PTPRO: variants seen among roughly 807,000 people sequenced by gnomAD.
PTPRO encodes protein tyrosine phosphatase receptor type O.
A neutral mutation model predicts 145.2 loss-of-function variants in PTPRO; 62 were observed. The ratio of observed to expected loss-of-function variants is 0.43; its 90% CI spans 0.35 to 0.53. PTPRO has a LOEUF of 0.53. Ranked by LOEUF, PTPRO falls within the 20% of genes least tolerant of loss-of-function variation. The pLI is 0.01. For missense variants in PTPRO, 1,345 were observed against 1,482.7 expected (o/e 0.91, Z 1.53); for synonymous variants, 565 against 514.7 (o/e 1.10, Z -1.32).
At chr12:15,513,113 AAGGAAGGAAGG>A (rs1565675387) in intron 7 of PTPRO, among the ~76,000 whole-genome samples, 2 of 8,822 alleles carry the variant, frequency 2.3e-4, no homozygotes, top group East Asian at 2.1e-3. Flanking sequence ...GAAAGAAAGG[AAGGAAGGAAGG>A]AAGGAAGGAA....
intron 1 of PTPRO, among the ~76,000 whole-genome samples, chr12:15,475,866 T>C (rs1029072221): frequency 6.6e-5 from 10 of 152,166 alleles, no homozygotes; most frequent in African/African-American, 2.4e-4. Flanking sequence ...GATGAGAATA[T>C]CAATTAGTAA....
intron 1 of PTPRO, among the ~76,000 whole-genome samples, chr12:15,478,148 C>G (rs1941699184): frequency 6.6e-6 from 1 of 152,202 alleles, no homozygotes; most frequent in African/African-American, 2.4e-5. Context: ...CAAGAGCAGA[C>G]TGCACATAGG....
intron 1 of PTPRO, among the ~76,000 whole-genome samples, chr12:15,342,457 T>C (rs1867032544): frequency 6.6e-6 from 1 of 152,232 alleles, no homozygotes; most frequent in East Asian, 1.9e-4. Flanking sequence ...GCATCAATTG[T>C]GTGCCAAATA....
At chr12:15,569,355 A>G in intron 18 of PTPRO, 62 bp from the exon 19 acceptor site, 1 of 1,333,956 alleles carries the variant, frequency 7.5e-7, no homozygotes, top group Non-Finnish European at 1.1e-6. Context: ...ATATTAAACA[A>G]TATATAATAC....
chr12:15,357,771 C>A (rs1268487569), intron 1 of PTPRO, among the ~76,000 whole-genome samples: 2 of 150,164 alleles, frequency 1.3e-5, no homozygotes, highest in Non-Finnish European at 3.0e-5. Flanking sequence ...AATAGGAACA[C>A]TTTTACACTG....
intron 23 of PTPRO, among the ~76,000 whole-genome samples, chr12:15,584,546 G>A (rs1332107190): frequency 6.6e-6 from 1 of 152,186 alleles, no homozygotes; most frequent in East Asian, 1.9e-4. Context: ...ACAATCATGT[G>A]AAGGACTTGA....
intron 1 of PTPRO, among the ~76,000 whole-genome samples, chr12:15,463,557 T>C (rs982588532): frequency 4.6e-5 from 7 of 152,208 alleles, no homozygotes; most frequent in Non-Finnish European, 8.8e-5. Flanking sequence ...TAAATAATTA[T>C]ACAGGTAGGA....
intron 7 of PTPRO, among the ~76,000 whole-genome samples, chr12:15,509,384 A>T (rs1009782838): frequency 1.3e-5 from 2 of 151,934 alleles, no homozygotes; most frequent in African/African-American, 4.8e-5. Context: ...GAAAAAAAAA[A>T]AAAACTTAAA....
intron 1 of PTPRO, among the ~76,000 whole-genome samples, chr12:15,472,429 G>T (rs780202674): frequency 1.6e-4 from 24 of 152,286 alleles, no homozygotes; most frequent in Non-Finnish European, 2.8e-4. Context: ...TCCTTAGCAA[G>T]GCGTGTCTTG....
chr12:15,556,498 T>C (rs1256022166), intron 15 of PTPRO, among the ~76,000 whole-genome samples: 2 of 151,822 alleles, frequency 1.3e-5, no homozygotes, highest in African/African-American at 4.8e-5. Context: ...TTACTTTTTC[T>C]CTACTTCTGG....
chr12:15,381,168 A>T (rs538397593), intron 1 of PTPRO, among the ~76,000 whole-genome samples: 29 of 152,218 alleles, frequency 1.9e-4, no homozygotes, highest in African/African-American at 7.0e-4. Context: ...AGTTTATATT[A>T]GCTAAATATT....
chr12:15,510,142 C>T (rs1385241055), intron 7 of PTPRO, among the ~76,000 whole-genome samples: 1 of 152,018 alleles, frequency 6.6e-6, no homozygotes, highest in Non-Finnish European at 1.5e-5. Flanking sequence ...TTCCATTCCT[C>T]CCAGGAAAAT....
intron 1 of PTPRO, among the ~76,000 whole-genome samples, chr12:15,323,634 C>G (rs1162573954): frequency 6.6e-6 from 1 of 152,186 alleles, no homozygotes; most frequent in East Asian, 1.9e-4. Flanking sequence ...AAGTGATTGT[C>G]TATCACTCAT....
chr12:15,510,600 G>A (rs2136487578), intron 7 of PTPRO, among the ~76,000 whole-genome samples: 1 of 152,204 alleles, frequency 6.6e-6, no homozygotes. Context: ...ATGCAAATAG[G>A]AAAACAGAAC....
chr12:15,443,596 A>C (rs1018973851), intron 1 of PTPRO, among the ~76,000 whole-genome samples: 5 of 152,174 alleles, frequency 3.3e-5, no homozygotes, highest in African/African-American at 1.2e-4. Flanking sequence ...CACAAACTGC[A>C]CCTGACAAAG....
At chr12:15,471,046 A>G (rs1254528594) in intron 1 of PTPRO, among the ~76,000 whole-genome samples, 1 of 152,178 alleles carries the variant, frequency 6.6e-6, no homozygotes, top group East Asian at 1.9e-4. Flanking sequence ...TACCTGCCTG[A>G]CAGTAATTGG....
At chr12:15,355,668 T>C (rs1490985259) in intron 1 of PTPRO, among the ~76,000 whole-genome samples, 4 of 152,242 alleles carry the variant, frequency 2.6e-5, no homozygotes, top group Non-Finnish European at 5.9e-5. Context: ...AATAGAGCAC[T>C]TTAATCAAAC....
At chr12:15,465,695 G>A (rs1193993189) in intron 1 of PTPRO, among the ~76,000 whole-genome samples, 1 of 152,160 alleles carries the variant, frequency 6.6e-6, no homozygotes, top group Admixed American at 6.6e-5. Flanking sequence ...ATTTCAACAA[G>A]AAGGAATGCA....
intron 17 of PTPRO, 67 bp from the exon 18 acceptor site, chr12:15,565,526 A>C: frequency 9.4e-7 from 1 of 1,064,708 alleles, no homozygotes; most frequent in Non-Finnish European, 1.4e-6. Flanking sequence ...AAGCTGTTCA[A>C]GTTTAATTAT....
Sources: allele counts gnomAD v4.1 joint callset (sites outside exome capture counted in the v4.1 genomes callset), GRCh38; gene constraint gnomAD v4.1.1; transcripts MANE v1.5; gene names NCBI Gene and HGNC (gene_info 2026-07-23, HGNC 2026-07-21).